Variants in PARD3B observed in about 807,000 individuals in gnomAD.
PARD3B encodes the protein partitioning defective 3 homolog B.
In PARD3B, 103 loss-of-function variants were observed where a neutral mutation model predicts 130.2. The ratio of observed to expected loss-of-function variants is 0.79; its 90% CI spans 0.67 to 0.93. PARD3B has a LOEUF of 0.93. PARD3B is among the 40% of genes least tolerant of loss of function. The pLI is 0.00. For synonymous variants in PARD3B, 583 were observed against 553.2 expected, an observed-to-expected ratio of 1.05 and a Z score of -0.76; for missense variants, 1,609 against 1,499.2, an observed-to-expected ratio of 1.07 and a Z score of -1.21.
intron 2 of PARD3B, among the ~76,000 whole-genome samples, chr2:204,778,983 T>G (rs773471458): frequency 6.6e-6 from 1 of 152,154 alleles, no homozygotes; most frequent in African/African-American, 2.4e-5. Context: ...CGCCTCAGCC[T>G]CATCTCAAAC....
chr2:205,523,537 C>T (rs2051188912), intron 21 of PARD3B, among the ~76,000 whole-genome samples: 1 of 151,990 alleles, frequency 6.6e-6, no homozygotes, highest in Non-Finnish European at 1.5e-5. Flanking sequence ...CCTATTTTCT[C>T]TATCAGTCAA....
chr2:205,127,995 G>A (rs1268645638), intron 10 of PARD3B, among the ~76,000 whole-genome samples: 1 of 152,176 alleles, frequency 6.6e-6, no homozygotes, highest in Non-Finnish European at 1.5e-5. Flanking sequence ...AAAAAGGGGG[G>A]CAGTTATGTG....
intron 2 of PARD3B, among the ~76,000 whole-genome samples, chr2:204,690,311 C>T (rs572357958): frequency 8.5e-5 from 13 of 152,222 alleles, no homozygotes; most frequent in African/African-American, 1.7e-4. Flanking sequence ...AGAGTAATGG[C>T]GCCTCAAAAA....
chr2:205,354,265 C>T (rs1013050595), intron 18 of PARD3B, among the ~76,000 whole-genome samples: 10 of 151,582 alleles, frequency 6.6e-5, no homozygotes, highest in African/African-American at 2.2e-4. Flanking sequence ...TCGGCACTCT[C>T]ACCGCCACTG....
chr2:204,796,715 T>A (rs1211667922), intron 2 of PARD3B, among the ~76,000 whole-genome samples: 1 of 152,254 alleles, frequency 6.6e-6, no homozygotes, highest in Non-Finnish European at 1.5e-5. Context: ...CATTAGCTTT[T>A]CTACTGTCCA....
Position 205,301,465 on chromosome 2 carries a change from C to A in PARD3B, c.2394C>A (p.Asp798Glu), listed in dbSNP as rs892550148. The A allele has an allele frequency of 3.8e-5, 61 of 1,609,332 alleles. No individual in the cohort carries two copies. Among genetic ancestry groups the A allele is most frequent in the Admixed American group, 1.5e-4 (9 of 58,818 alleles). ...SYDGPEEIEADGLSDKSSHSG... is the reference protein window; with the variant it reads ...SYDGPEEIEAEGLSDKSSHSG... The stretch of plus-strand genomic sequence containing the variant: ...ATTGATTATTTTTTCTCTGTACAGA[C>A]GGTCTGTCTGATAAGAGCTCTCACT... The change falls in exon 18 of 23, where the codon GAC (aspartate) becomes GAA (glutamate). Residue 798 changes from aspartate (D) to glutamate (E), a missense_variant and splice_region_variant. By Grantham distance (45) the Asp-to-Glu change is conservative. Transcript: ENST00000406610. This position sits in a 1 kb window ranked among gnomAD's most constrained non-coding sequence, Gnocchi z 5.2.
At position 204,837,909 on chromosome 2, in the gene PARD3B, A is replaced by G. The variant is rs559973648; in HGVS notation, c.223-127243A>G. Among the ~76,000 whole-genome samples the G allele has an allele frequency of 2.0e-4, 30 of 152,224 alleles. 1 individual carries two copies. Among genetic ancestry groups the G allele is most frequent in the Admixed American group, 1.5e-3 (23 of 15,282 alleles). Reference sequence around the variant, plus strand: ...TACCTAACTTTTGTTTCTAAGGCTCACCCCAACAACCCACCCCCAGTTTGG... The same window carrying G: ...TACCTAACTTTTGTTTCTAAGGCTCGCCCCAACAACCCACCCCCAGTTTGG... On this transcript the variant is annotated intron_variant, in intron 2 of 22. Coordinates refer to ENST00000406610, the MANE Select transcript of PARD3B (RefSeq NM_001302769.2).
intron 21 of PARD3B, among the ~76,000 whole-genome samples, chr2:205,539,486 A>G (rs540291967): frequency 6.6e-6 from 1 of 152,306 alleles, no homozygotes; most frequent in South Asian, 2.1e-4. Flanking sequence ...CAGCCCCTCC[A>G]AGGCCGTGGT....
intron 2 of PARD3B, among the ~76,000 whole-genome samples, chr2:204,703,140 C>T (rs2037974319): frequency 6.6e-6 from 1 of 152,126 alleles, no homozygotes. Flanking sequence ...GCTCAGAGAA[C>T]AGGATTAAGT....
At chr2:204,924,163 CA>C (rs1161316459) in intron 2 of PARD3B, among the ~76,000 whole-genome samples, 2 of 151,890 alleles carry the variant, frequency 1.3e-5, no homozygotes, top group African/African-American at 4.8e-5. Context: ...ACTGTGCAAC[CA>C]AAACAGTGCA....
intron 2 of PARD3B, among the ~76,000 whole-genome samples, chr2:204,941,012 T>C (rs1025582659): frequency 6.6e-6 from 1 of 152,206 alleles, no homozygotes; most frequent in Non-Finnish European, 1.5e-5. Context: ...ATATTCAGTG[T>C]TGTATGTTCT....
chr2:204,905,253 G>T (rs1260555696), intron 2 of PARD3B, among the ~76,000 whole-genome samples: 2 of 152,258 alleles, frequency 1.3e-5, no homozygotes, highest in East Asian at 1.9e-4. Context: ...AGTGCCCCGG[G>T]ATGTGATGTT....
chr2:205,131,377 C>CA (rs1350233482), intron 10 of PARD3B, among the ~76,000 whole-genome samples: 2 of 152,126 alleles, frequency 1.3e-5, no homozygotes, highest in Non-Finnish European at 2.9e-5. Flanking sequence ...CTTGCTAAGA[C>CA]AGAGTTTCTT....
intron 18 of PARD3B, among the ~76,000 whole-genome samples, chr2:205,318,118 T>G (rs2042622761): frequency 6.6e-6 from 1 of 152,224 alleles, no homozygotes; most frequent in East Asian, 1.9e-4. Flanking sequence ...ATTCTAGGGC[T>G]TTTGGTATGA....
intron 18 of PARD3B, among the ~76,000 whole-genome samples, chr2:205,387,831 T>A (rs552763033): frequency 1.7e-4 from 26 of 152,130 alleles, no homozygotes; most frequent in Non-Finnish European, 3.2e-4. Flanking sequence ...AGTCCAGCCG[T>A]CATCTGAGTG....
intron 1 of PARD3B, among the ~76,000 whole-genome samples, chr2:204,599,329 C>G (rs1406896584): frequency 6.6e-6 from 1 of 151,838 alleles, no homozygotes; most frequent in African/African-American, 2.4e-5. Context: ...CAAATTTCTC[C>G]CTACCTCTTT....
rs893650552 is a variant in PARD3B, at chr2:205,126,609, G to A, written c.1434+872G>A. ...ACAAAAAAAAAAATTAGCCGGGCGC[G>A]GTGGCGGGCACCTGTAGTCCCAGCT... On this transcript the variant is annotated intron_variant, in intron 10 of 22. Transcript: ENST00000406610. Among the ~76,000 whole-genome samples, 27 of 151,330 alleles carry A rather than the reference G, an allele frequency of 1.8e-4. No individual in the cohort carries two copies. In the South Asian group the frequency reaches 1.9e-3, roughly 11 times the overall value.
chr2:205,067,308 A>G (rs1012874632), intron 4 of PARD3B, among the ~76,000 whole-genome samples: 5 of 151,796 alleles, frequency 3.3e-5, no homozygotes, highest in African/African-American at 1.2e-4. Context: ...CTACATGAGC[A>G]TGTCACCATA....
chr2:205,029,458 A>G (rs567336833), intron 3 of PARD3B, among the ~76,000 whole-genome samples: 5 of 152,242 alleles, frequency 3.3e-5, no homozygotes, highest in Non-Finnish European at 5.9e-5. Context: ...TCATTCATCT[A>G]AGTTTTCCCT....
Sources: allele counts gnomAD v4.1 joint callset (sites outside exome capture counted in the v4.1 genomes callset), GRCh38; gene constraint gnomAD v4.1.1; non-coding constraint Gnocchi (gnomAD v3.1); transcripts MANE v1.5; gene names NCBI Gene and HGNC (gene_info 2026-07-23, HGNC 2026-07-21).